SYNE1: variants seen among roughly 807,000 people sequenced by gnomAD.
SYNE1 encodes the protein spectrin repeat containing nuclear envelope protein 1.
SYNE1 carries 616 observed loss-of-function variants against 1,111.0 expected under a neutral mutation model. The ratio of observed to expected loss-of-function variants is 0.55; its 90% CI spans 0.52 to 0.59. SYNE1 has a LOEUF of 0.59. SYNE1 is among the 20% of genes least tolerant of loss of function. The pLI is 0.00. For missense variants in SYNE1, 10,006 were observed against 10,417.0 expected, an observed-to-expected ratio of 0.96 and a Z score of 1.72; for synonymous variants, 3,855 against 3,825.8, an observed-to-expected ratio of 1.01 and a Z score of -0.28.
In SYNE1 at chr6:152,325,959, T is replaced by C. The variant is rs777883521; in HGVS notation, c.15437A>G (p.Lys5146Arg). 6.2e-7 allele frequency: 1 copy of C among 1,614,204 alleles called. No individual in the cohort carries two copies. Among genetic ancestry groups the C allele is most frequent in the Non-Finnish European group, 8.5e-7 (1 of 1,180,030 alleles). ...TTTTAAATGGCCCAAAACTCTGACC[T>C]TGTGTTCTGACAATTTTTCTTCCGC... Reference protein sequence around the residue: ...HEAEEKLSEHKALVSVVNSFH... With the variant: ...HEAEEKLSEHRALVSVVNSFH... The change falls in exon 80 of 146, where the codon AAG (lysine) becomes AGG (arginine). Residue 5146 changes from lysine to arginine, a missense_variant and splice_region_variant. This residue lies in a region of SYNE1 where 4,955 missense variants were observed against 5,017.2 expected (regional missense o/e 0.99). Coordinates refer to ENST00000367255, the MANE Select transcript of SYNE1 (RefSeq NM_182961.4).
chr6:152,330,035 C>T lies in SYNE1; in HGVS notation c.14650G>A (p.Val4884Met), dbSNP rs773880881. 2 of 1,614,194 alleles carry T rather than the reference C, an allele frequency of 1.2e-6. No individual in the cohort carries two copies. Among genetic ancestry groups the T allele is most frequent in the Middle Eastern group, 1.6e-4 (1 of 6,062 alleles). ...ETVTECESRM[V>M]QSIDFQTEMS... ...TCAGTCTGGAAGTCTATACTCTGCA[C>T]CATTCGGCTCTCACATTCTGTCACC... The change falls in exon 78 of 146, where the codon GTG becomes ATG. Residue 4884 changes from valine to methionine, a missense_variant. Val to Met is a conservative substitution (Grantham distance 21). Transcript: ENST00000367255.
chr6:152,363,369 C>A (rs1195483958), intron 63 of SYNE1, among the ~76,000 whole-genome samples: 6 of 149,830 alleles, frequency 4.0e-5, no homozygotes, highest in East Asian at 2.0e-4. Context: ...TGGCGGGCGC[C>A]TGTAGTACCA....
intron 2 of SYNE1, among the ~76,000 whole-genome samples, chr6:152,632,946 C>T (rs908436497): frequency 3.9e-5 from 6 of 152,114 alleles, no homozygotes; most frequent in African/African-American, 1.4e-4. Flanking sequence ...CCCAAGTGTG[C>T]TCTTCTGTTC....
intron 34 of SYNE1, 52 bp from the exon 35 acceptor site, chr6:152,430,761 C>G: frequency 6.7e-7 from 1 of 1,497,074 alleles, no homozygotes; most frequent in Non-Finnish European, 9.3e-7. Flanking sequence ...AGCTTGCCTT[C>G]CTGAAATGAT....
At position 152,416,586 on chromosome 6, in the gene SYNE1, T is replaced by C; in HGVS notation, c.5851A>G (p.Thr1951Ala). The change falls in exon 41 of 146, where the codon ACG becomes GCG. Residue 1951 changes from threonine to alanine, a missense_variant. Physicochemically the swap from Thr to Ala is moderately conservative, Grantham distance 58. Around this residue, in one of 7 missense-constraint regions of SYNE1, gnomAD observed 4,955 missense variants for 5,017.2 expected, o/e 0.99. Coordinates refer to ENST00000367255, the MANE Select transcript of SYNE1 (RefSeq NM_182961.4). ...SSEQRTSCRA[T>A]ADQLCGEVER... is the part of the protein sequence containing the mutation. ...ACCTCTCCACAGAGCTGATCAGCCGTGGCTCTGCAGGAAGTCCTTTGCTCA... is the reference window on the plus strand; with the variant it reads ...ACCTCTCCACAGAGCTGATCAGCCGCGGCTCTGCAGGAAGTCCTTTGCTCA... 6.2e-7 allele frequency: 1 copy of C among 1,614,128 alleles called. No homozygotes were observed. The highest frequency in any genetic ancestry group is 8.5e-7 in the Non-Finnish European group (1 of 1,180,008).
chr6:152,606,976 C>CTTTTTTTTTTTTTTTT lies in SYNE1; in HGVS notation c.67+21288_67+21289insAAAAAAAAAAAAAAAA, dbSNP rs11387272. Among the ~76,000 whole-genome samples, 26 of 109,132 alleles carry CTTTTTTTTTTTTTTTT rather than the reference C, an allele frequency of 2.4e-4. 2 individuals carry two copies. Among genetic ancestry groups the CTTTTTTTTTTTTTTTT allele is most frequent in the African/African-American group, 9.3e-4 (25 of 26,808 alleles). 71.6% of individuals were successfully genotyped at this position (109,132 alleles called of 152,430 possible). On this transcript the variant is annotated intron_variant, in intron 3 of 145. Coordinates refer to ENST00000367255, the MANE Select transcript of SYNE1 (RefSeq NM_182961.4). The stretch of plus-strand genomic sequence containing the variant: ...GCAAAAGGAAAGGCATGCCTCGGTT[C>CTTTTTTTTTTTTTTTT]TCTTTTTTTTTTTTTTTTTTTTTTT...
In SYNE1 at chr6:152,187,062, A is replaced by T. The variant is rs2763015; in HGVS notation, c.23301+2190T>A. ...TAGCATTACTACCCTCTATGCGTAA[A>T]TCCATGTAAATTCCTCATTGTGTTC... On this transcript the variant is annotated intron_variant, in intron 128 of 145. Transcript: ENST00000367255. Among the ~76,000 whole-genome samples the T allele has an allele frequency of 4.7e-4, 71 of 152,222 alleles. No homozygotes were observed. The South Asian group carries it at 0.015, about 31-fold the overall frequency.
At chr6:152,595,948 T>C (rs997553116) in intron 3 of SYNE1, among the ~76,000 whole-genome samples, 4 of 151,780 alleles carry the variant, frequency 2.6e-5, no homozygotes, top group South Asian at 2.1e-4. Flanking sequence ...TGCTTGTACA[T>C]AGAATGAGAA....
In SYNE1 at chr6:152,404,120, C is replaced by T. The variant is rs201992210; in HGVS notation, c.6825+93G>A. On this transcript the variant is annotated intron_variant, in intron 46 of 145. Coordinates refer to ENST00000367255, the MANE Select transcript of SYNE1 (RefSeq NM_182961.4). ...GATATATGAGATATATATATATACACACACACACACACACACAGAGACAGA... is the reference window on the plus strand; with the variant it reads ...GATATATGAGATATATATATATACATACACACACACACACACAGAGACAGA... 4.0e-3 allele frequency: 2,119 copies of T among 532,508 alleles called. 1 individual carries two copies. Among genetic ancestry groups the T allele is most frequent in the East Asian group, 0.013 (227 of 17,420 alleles). 33.0% of individuals were successfully genotyped at this position (532,508 alleles called of 1,614,324 possible).
chr6:152,540,018 T>A lies in SYNE1; in HGVS notation c.71A>T (p.Glu24Val). ...IANVMQRLQDEQEIVQKRTFT... is the reference protein window; with the variant it reads ...IANVMQRLQDVQEIVQKRTFT... ...AGTTCGTTTTTGTACTATCTCTTGC[T>A]CATCTAGAAGGAAAAAGAAATCTGG... is the stretch of plus-strand genomic sequence containing the variant. Residue 24 changes from glutamate to valine, a missense_variant, in exon 4 of 146, where the codon GAG becomes GTG. Coordinates refer to ENST00000367255, the MANE Select transcript of SYNE1 (RefSeq NM_182961.4). 6.2e-7 allele frequency: 1 copy of A among 1,613,840 alleles called. No homozygotes were observed. Among genetic ancestry groups the A allele is most frequent in the Non-Finnish European group, 8.5e-7 (1 of 1,179,828 alleles).
intron 95 of SYNE1, among the ~76,000 whole-genome samples, chr6:152,284,687 C>T (rs1376427685): frequency 6.9e-6 from 1 of 143,888 alleles, no homozygotes; most frequent in African/African-American, 2.6e-5. Flanking sequence ...TGGTCTCAAA[C>T]TCCTGGCCTC....
chr6:152,554,922 T>G (rs961512368), intron 3 of SYNE1, among the ~76,000 whole-genome samples: 5 of 152,212 alleles, frequency 3.3e-5, no homozygotes, highest in Non-Finnish European at 5.9e-5. Context: ...TGTTTGTAGG[T>G]AGGACTTAAG....
chr6:152,144,377 G>T, intron 137 of SYNE1: 1 of 157,292 alleles, frequency 6.4e-6, no homozygotes, highest in Non-Finnish European at 1.4e-5. Context: ...CCAGGAGAAA[G>T]CTAAGATTTT....
At chr6:152,242,855 TAAAA>T (rs2086079910) in intron 106 of SYNE1, among the ~76,000 whole-genome samples, 1 of 152,186 alleles carries the variant, frequency 6.6e-6, no homozygotes, top group Admixed American at 6.5e-5. Context: ...ACTGAAAGGA[TAAAA>T]TAAATATTCA....
chr6:152,308,581 G>A lies in SYNE1; in HGVS notation c.17254C>T (p.Gln5752Ter). The stretch of plus-strand genomic sequence containing the variant: ...TCTCTGTGAGCTCCTTCTATCAGTT[G>A]CTGGAGATGTTTCATTTCTTGCTCA... ...QYEQEMKHLQ[Q>*]LIEGAHREIE... Residue 5752 changes from glutamine to a stop codon, truncating the protein, a stop_gained, in exon 91 of 146, where the codon CAA becomes TAA. Coordinates refer to ENST00000367255, the MANE Select transcript of SYNE1 (RefSeq NM_182961.4). LOFTEE classifies it high-confidence loss of function. 6.2e-7 allele frequency: 1 copy of A among 1,613,266 alleles called. No homozygotes were observed. Among genetic ancestry groups the A allele is most frequent in the Non-Finnish European group, 8.5e-7 (1 of 1,179,950 alleles).
At chr6:152,434,108 A>C in intron 33 of SYNE1, 163 bp from the exon 34 acceptor site, 1 of 648,346 alleles carries the variant, frequency 1.5e-6, no homozygotes, top group Non-Finnish European at 2.6e-6. Flanking sequence ...TGTTCTGAGT[A>C]GTTTATCAGG....
At chr6:152,585,029 C>T (rs980006361) in intron 3 of SYNE1, among the ~76,000 whole-genome samples, 2 of 152,028 alleles carry the variant, frequency 1.3e-5, no homozygotes, top group Non-Finnish European at 2.9e-5. Context: ...TGAGAGGGAC[C>T]CGGTGGGAGG....
At position 152,148,443 on chromosome 6, in the gene SYNE1, C is replaced by G; in HGVS notation, c.24643-65G>C. On this transcript the variant is annotated intron_variant, in intron 136 of 145. Transcript: ENST00000367255. This position sits in a 1 kb window ranked among gnomAD's most constrained non-coding sequence, Gnocchi z 4.1. The stretch of plus-strand genomic sequence containing the variant: ...CAGACTAGCTTCTTATCTGGGCCAC[C>G]TGCCTACCATGTGGGGACAATTTTT... The G allele has an allele frequency of 1.3e-6, 2 of 1,488,362 alleles. No individual in the cohort carries two copies. Among genetic ancestry groups the G allele is most frequent in the South Asian group, 1.2e-5 (1 of 85,244 alleles). The allele number at this position is 1,488,362 out of a possible 1,614,324, so 92.2% of individuals were successfully genotyped here.
At position 152,321,670 on chromosome 6, in the gene SYNE1, G is replaced by T. The variant is rs112289413; in HGVS notation, c.16083+51C>A. 1.3e-5 allele frequency: 21 copies of T among 1,604,718 alleles called. No individual in the cohort carries two copies. The African/African-American group carries it at 2.4e-4, about 18-fold the overall frequency. ...ACAAGTATGTTCAACTAAAATCAGG[G>T]CAATTGTTTTTGAAATGATGGGTAA... is the stretch of plus-strand genomic sequence containing the variant. On this transcript the variant is annotated intron_variant, in intron 83 of 145. Coordinates refer to ENST00000367255, the MANE Select transcript of SYNE1 (RefSeq NM_182961.4).
Sources: gnomAD v4.1 joint callset for allele counts (sites outside exome capture counted in the v4.1 genomes callset) on GRCh38, gnomAD v4.1.1 for gene constraint, gnomAD v4.1.1 regional missense constraint, Gnocchi (gnomAD v3.1) non-coding constraint, MANE v1.5 for transcripts, NCBI Gene and HGNC (gene_info 2026-07-23, HGNC 2026-07-21) for gene names.